The following PCBP3 variants were observed in gnomAD, a reference collection of about 807,000 sequenced individuals.
PCBP3 encodes the protein poly(rC)-binding protein 3.
Under a neutral mutation model 52.7 loss-of-function variants are expected in PCBP3, and 25 were observed. The observed-to-expected ratio is 0.47, with a 90% CI of 0.35 to 0.66. The LOEUF (loss-of-function observed/expected upper bound fraction) is 0.66, where lower values mean the gene tolerates loss of function less well. Among genes scored for constraint, PCBP3 ranks in the 30% least tolerant of loss-of-function variants. The pLI, the probability that PCBP3 is intolerant of heterozygous loss-of-function variation, is 0.01. For synonymous variants in PCBP3, 162 were observed against 183.0 expected, an observed-to-expected ratio of 0.89 and a Z score of 0.93; for missense variants, 391 against 490.3, an observed-to-expected ratio of 0.80 and a Z score of 1.91.
intron 2 of PCBP3, among the ~76,000 whole-genome samples, chr21:45,673,160 A>G (rs2081273563): frequency 6.6e-6 from 1 of 152,196 alleles, no homozygotes; most frequent in Non-Finnish European, 1.5e-5. Context: ...TTCTGTTGAA[A>G]TATGTATTTA....
intron 3 of PCBP3, among the ~76,000 whole-genome samples, chr21:45,740,366 A>G (rs1443325656): frequency 6.6e-6 from 1 of 152,220 alleles, no homozygotes; most frequent in African/African-American, 2.4e-5. Flanking sequence ...CCATGTTAAA[A>G]TTAAAAAAAA....
intron 5 of PCBP3, among the ~76,000 whole-genome samples, chr21:45,887,286 G>C (rs1306789533): frequency 6.6e-6 from 1 of 152,222 alleles, no homozygotes; most frequent in Non-Finnish European, 1.5e-5. Flanking sequence ...GGATTGGGAA[G>C]CACTGTGTGC....
intron 2 of PCBP3, among the ~76,000 whole-genome samples, chr21:45,685,760 ACT>A (rs1448761639): frequency 6.6e-6 from 1 of 152,092 alleles, no homozygotes; most frequent in Non-Finnish European, 1.5e-5. Flanking sequence ...ACATGGAAAG[ACT>A]CTGAAGAGAA....
At chr21:45,710,560 G>A (rs1328761642) in intron 2 of PCBP3, among the ~76,000 whole-genome samples, 1 of 152,044 alleles carries the variant, frequency 6.6e-6, no homozygotes, top group Non-Finnish European at 1.5e-5. Flanking sequence ...TATCATTGTT[G>A]GACACATGCT....
intron 5 of PCBP3, among the ~76,000 whole-genome samples, chr21:45,878,021 C>T (rs1366668941): frequency 6.6e-6 from 1 of 152,254 alleles, no homozygotes; most frequent in Non-Finnish European, 1.5e-5. Flanking sequence ...CAGGCAGCCA[C>T]ATACCCAGAA....
intron 4 of PCBP3, among the ~76,000 whole-genome samples, chr21:45,782,456 C>T (rs932780734): frequency 6.6e-6 from 1 of 152,112 alleles, no homozygotes; most frequent in East Asian, 1.9e-4. Flanking sequence ...AAAACAGGCA[C>T]AGTGCATTGG....
At chr21:45,799,207 G>T (rs2092183761) in intron 4 of PCBP3, among the ~76,000 whole-genome samples, 1 of 152,244 alleles carries the variant, frequency 6.6e-6, no homozygotes, top group Non-Finnish European at 1.5e-5. Flanking sequence ...TTGGATAAAT[G>T]AGGTAAAGGA....
At chr21:45,797,129 A>G (rs1029951044) in intron 4 of PCBP3, among the ~76,000 whole-genome samples, 1 of 152,196 alleles carries the variant, frequency 6.6e-6, no homozygotes, top group Non-Finnish European at 1.5e-5. Flanking sequence ...AGCGTGGTGT[A>G]TGGGCCTACA....
At chr21:45,677,402 T>G (rs1188523446) in intron 2 of PCBP3, among the ~76,000 whole-genome samples, 1 of 152,186 alleles carries the variant, frequency 6.6e-6, no homozygotes, top group African/African-American at 2.4e-5. Context: ...ATAGGAGAAT[T>G]TGAAGCTAGT....
At chr21:45,789,362 A>C (rs2091382265) in intron 4 of PCBP3, among the ~76,000 whole-genome samples, 1 of 152,094 alleles carries the variant, frequency 6.6e-6, no homozygotes, top group Non-Finnish European at 1.5e-5. Context: ...GCATGTGTAC[A>C]TGTGCTTGTG....
chr21:45,846,806 G>A (rs1371654333), intron 4 of PCBP3, among the ~76,000 whole-genome samples: 1 of 152,220 alleles, frequency 6.6e-6, no homozygotes, highest in African/African-American at 2.4e-5. Context: ...CAGGGAGATT[G>A]CAATCCCTGC....
intron 5 of PCBP3, chr21:45,873,362 T>TA (rs1334722099): frequency 1.3e-5 from 2 of 152,354 alleles, no homozygotes; most frequent in Non-Finnish European, 2.9e-5. Context: ...TTGTGGCCTG[T>TA]ATTTCTGTCC....
intron 5 of PCBP3, among the ~76,000 whole-genome samples, chr21:45,855,201 G>A (rs2094228078): frequency 6.6e-6 from 1 of 152,168 alleles, no homozygotes; most frequent in Admixed American, 6.5e-5. Context: ...GATCCTGGAG[G>A]AGTGCACCTG....
At chr21:45,816,841 G>A (rs1440633094) in intron 4 of PCBP3, among the ~76,000 whole-genome samples, 1 of 151,236 alleles carries the variant, frequency 6.6e-6, no homozygotes, top group African/African-American at 2.4e-5. Context: ...TATTATCATC[G>A]TCAGGTATTA....
chr21:45,702,468 A>C (rs1953925293), intron 2 of PCBP3, among the ~76,000 whole-genome samples: 2 of 152,226 alleles, frequency 1.3e-5, no homozygotes, highest in Non-Finnish European at 2.9e-5. Flanking sequence ...TATCAAAGCA[A>C]GTCACATGAA....
intron 5 of PCBP3, among the ~76,000 whole-genome samples, chr21:45,866,928 CAG>C (rs2094756444): frequency 6.6e-6 from 1 of 152,356 alleles, no homozygotes; most frequent in South Asian, 2.1e-4. Context: ...AATCCCATAA[CAG>C]AACATTATCC....
chr21:45,890,831 G>T (rs1246478287), intron 5 of PCBP3, among the ~76,000 whole-genome samples: 1 of 150,204 alleles, frequency 6.7e-6, no homozygotes. Context: ...GTAGATAATA[G>T]AACCTGGAAC....
chr21:45,776,752 CTT>C, intron 4 of PCBP3, among the ~76,000 whole-genome samples: 1 of 152,046 alleles, frequency 6.6e-6, no homozygotes. Flanking sequence ...TCATATGTGT[CTT>C]TACTGACAAG....
At chr21:45,645,036 T>A (rs2146648524) in intron 1 of PCBP3, among the ~76,000 whole-genome samples, 1 of 152,324 alleles carries the variant, frequency 6.6e-6, no homozygotes, top group Admixed American at 6.5e-5. Flanking sequence ...AGATACCTAT[T>A]TTGGCCCCAA....
Sources: allele counts gnomAD v4.1 joint callset (sites outside exome capture counted in the v4.1 genomes callset), GRCh38; gene constraint gnomAD v4.1.1; transcripts MANE v1.5; gene names NCBI Gene and HGNC (gene_info 2026-07-23, HGNC 2026-07-21).